Variants in SGCZ observed in about 807,000 individuals in gnomAD.
The protein encoded by SGCZ is zeta-sarcoglycan.
SGCZ carries 40 observed loss-of-function variants against 41.3 expected under a neutral mutation model. The ratio of observed to expected loss-of-function variants is 0.97; its 90% CI spans 0.75 to 1.26. The LOEUF (loss-of-function observed/expected upper bound fraction) is 1.26. Among genes scored for constraint, SGCZ ranks in the 50% most tolerant of loss-of-function variants. The pLI, the probability that SGCZ is intolerant of heterozygous loss-of-function variation, is 0.00. For synonymous variants in SGCZ, 206 were observed against 137.5 expected, an observed-to-expected ratio of 1.50 and a Z score of -3.49; for missense variants, 552 against 369.8, an observed-to-expected ratio of 1.49 and a Z score of -4.04.
At chr8:14,825,458 T>C (rs1256675813) in intron 1 of SGCZ, among the ~76,000 whole-genome samples, 1 of 152,214 alleles carries the variant, frequency 6.6e-6, no homozygotes, top group African/African-American at 2.4e-5. Context: ...AAGTAATTTG[T>C]GCATTGTCAA....
chr8:14,342,370 G>GCACTGGC (rs1242889547), intron 2 of SGCZ, among the ~76,000 whole-genome samples: 2 of 152,116 alleles, frequency 1.3e-5, no homozygotes, highest in African/African-American at 4.8e-5. Flanking sequence ...AGGCTGGAGT[G>GCACTGGC]CACTGGCGCT....
At chr8:14,471,297 G>A (rs1801207008) in intron 2 of SGCZ, among the ~76,000 whole-genome samples, 1 of 152,030 alleles carries the variant, frequency 6.6e-6, no homozygotes, top group Non-Finnish European at 1.5e-5. Context: ...TGAATAATTT[G>A]CAGTGCTGAA....
Position 14,683,533 on chromosome 8 carries a change from C to A in SGCZ, c.40-128607G>T, listed in dbSNP as rs373250871. Among the ~76,000 whole-genome samples the A allele has an allele frequency of 1.6e-3, 250 of 152,154 alleles. 3 individuals are homozygous for A. The South Asian group carries it at 0.021, about 13-fold the overall frequency. On this transcript the variant is annotated intron_variant, in intron 1 of 7. Coordinates refer to ENST00000382080, the MANE Select transcript of SGCZ (RefSeq NM_139167.4). ...AAACACACAATGTAAATAACTTCTT[C>A]CCAAATTCATCAAGTAAATTATATT...
At chr8:14,171,254 A>T (rs923558187) in intron 4 of SGCZ, among the ~76,000 whole-genome samples, 1 of 149,574 alleles carries the variant, frequency 6.7e-6, no homozygotes, top group Non-Finnish European at 1.5e-5. Context: ...GTAGTTTTGC[A>T]TAAGTTGTTC....
intron 1 of SGCZ, among the ~76,000 whole-genome samples, chr8:14,572,362 C>A (rs10109655): frequency 0.029 from 4,374 of 152,196 alleles, 120 homozygotes; most frequent in African/African-American, 0.078. Flanking sequence ...TTAACACTGA[C>A]TAATCCTTCA....
At chr8:14,822,137 A>C (rs559414942) in intron 1 of SGCZ, among the ~76,000 whole-genome samples, 1 of 151,860 alleles carries the variant, frequency 6.6e-6, no homozygotes, top group African/African-American at 2.4e-5. Context: ...AAATTCAGTT[A>C]AGTTTCAGGA....
At chr8:14,484,136 T>C (rs183511687) in intron 2 of SGCZ, among the ~76,000 whole-genome samples, 1 of 152,322 alleles carries the variant, frequency 6.6e-6, no homozygotes, top group East Asian at 1.9e-4. Context: ...GTTATACATA[T>C]GTACAAACTG....
At chr8:14,751,194 G>A (rs1005557447) in intron 1 of SGCZ, among the ~76,000 whole-genome samples, 4 of 151,974 alleles carry the variant, frequency 2.6e-5, no homozygotes, top group South Asian at 2.1e-4. Context: ...AATATAGTTC[G>A]TAAGCACATC....
chr8:14,823,826 T>A (rs1034343505), intron 1 of SGCZ, among the ~76,000 whole-genome samples: 2 of 152,116 alleles, frequency 1.3e-5, no homozygotes, highest in African/African-American at 4.8e-5. Flanking sequence ...ATAATCAAAC[T>A]GAGCATGCAG....
intron 1 of SGCZ, among the ~76,000 whole-genome samples, chr8:14,900,103 T>G (rs1346717819): frequency 2.0e-5 from 3 of 152,250 alleles, no homozygotes; most frequent in African/African-American, 7.2e-5. Context: ...CCTACGGTAA[T>G]TTTTGAAACC....
chr8:14,242,676 C>T (rs1371542324), intron 3 of SGCZ, among the ~76,000 whole-genome samples: 2 of 152,076 alleles, frequency 1.3e-5, no homozygotes, highest in African/African-American at 4.8e-5. Context: ...ATACTGGATA[C>T]CATCACTCTT....
At chr8:14,100,585 A>ATG (rs1801987960) in intron 7 of SGCZ, among the ~76,000 whole-genome samples, 1 of 137,090 alleles carries the variant, frequency 7.3e-6, no homozygotes, top group Non-Finnish European at 1.6e-5. Context: ...TTTTCAAATA[A>ATG]TATATTATAT....
intron 4 of SGCZ, among the ~76,000 whole-genome samples, chr8:14,200,619 G>C (rs566402192): frequency 6.6e-6 from 1 of 151,900 alleles, no homozygotes; most frequent in Non-Finnish European, 1.5e-5. Flanking sequence ...TTGTTTGTTT[G>C]TTTTGTTTTG....
chr8:14,427,749 A>C (rs1484047889), intron 2 of SGCZ, among the ~76,000 whole-genome samples: 1 of 152,186 alleles, frequency 6.6e-6, no homozygotes, highest in Non-Finnish European at 1.5e-5. Flanking sequence ...GGCAAATTAA[A>C]GAAGGCTGAA....
intron 1 of SGCZ, among the ~76,000 whole-genome samples, chr8:14,846,844 T>A (rs766582774): frequency 5.6e-4 from 84 of 151,082 alleles, no homozygotes; most frequent in Non-Finnish European, 2.2e-4. Flanking sequence ...CCGAGTCGGG[T>A]GGATTGCCTG....
chr8:14,736,827 G>A (rs913758873), intron 1 of SGCZ, among the ~76,000 whole-genome samples: 5 of 151,942 alleles, frequency 3.3e-5, no homozygotes, highest in Non-Finnish European at 5.9e-5. Context: ...TTATGGCTGA[G>A]TAAAGAACTA....
Position 14,165,430 on chromosome 8 carries a change from C to CAATT in SGCZ, c.425-732_425-729dup, listed in dbSNP as rs1804178367. On this transcript the variant is annotated intron_variant, in intron 4 of 7. Transcript: ENST00000382080. ...AGCCAGCTTCCATATTTAGAAAACA[C>CAATT]AATTAGTTTGAGTATTAGGCTTTGG... 2 of 152,158 alleles carry CAATT rather than the reference C, an allele frequency of 1.3e-5. 1 individual carries two copies. Among genetic ancestry groups the CAATT allele is most frequent in the African/African-American group, 4.8e-5 (2 of 41,504 alleles). 9.4% of individuals were successfully genotyped at this position (152,158 alleles called of 1,614,324 possible).
chr8:15,193,793 C>T (rs974569969), intron 1 of SGCZ, among the ~76,000 whole-genome samples: 2 of 152,238 alleles, frequency 1.3e-5, no homozygotes, highest in East Asian at 1.9e-4. Context: ...TACCATTAGG[C>T]TTTACGTAAT....
At position 14,626,146 on chromosome 8, in the gene SGCZ, A is replaced by G. The variant is rs571085939; in HGVS notation, c.40-71220T>C. Reference sequence around the variant, plus strand: ...TGCTATCTCTCAGTCTTTTTGTTTTATATCATTTTTATTTTATTTTATGTT... The same window carrying G: ...TGCTATCTCTCAGTCTTTTTGTTTTGTATCATTTTTATTTTATTTTATGTT... On this transcript the variant is annotated intron_variant, in intron 1 of 7. Coordinates refer to ENST00000382080, the MANE Select transcript of SGCZ (RefSeq NM_139167.4). 1.9e-3 allele frequency among the ~76,000 whole-genome samples: 294 copies of G among 152,146 alleles called. 1 individual carries two copies. The highest frequency in any genetic ancestry group is 3.3e-3 in the Non-Finnish European group (224 of 67,996).
Sources: allele counts gnomAD v4.1 joint callset (sites outside exome capture counted in the v4.1 genomes callset), GRCh38; gene constraint gnomAD v4.1.1; transcripts MANE v1.5; gene names NCBI Gene and HGNC (gene_info 2026-07-23, HGNC 2026-07-21).